The following RGS22 variants were observed in gnomAD, a reference collection of about 807,000 sequenced individuals.
RGS22 encodes regulator of G-protein signaling 22.
Under a neutral mutation model 172.9 loss-of-function variants are expected in RGS22, and 148 were observed. The observed-to-expected ratio is 0.86, with a 90% CI of 0.75 to 0.98. The LOEUF (loss-of-function observed/expected upper bound fraction) is 0.98. RGS22 is among the 50% of genes least tolerant of loss of function. The pLI, the probability that RGS22 is intolerant of heterozygous loss-of-function variation, is 0.00. For missense variants in RGS22, 1,347 were observed against 1,440.8 expected (o/e 0.93, Z 1.05); for synonymous variants, 458 against 480.2 (o/e 0.95, Z 0.60).
chr8:99,987,740 A>G (rs564847907), intron 20 of RGS22, 121 bp from the exon 21 acceptor site: 1 of 567,512 alleles, frequency 1.8e-6, no homozygotes, highest in African/African-American at 1.9e-5. Context: ...ATTTCACAAC[A>G]TTTTCACCTA....
In RGS22 at chr8:99,996,493, T is replaced by C. The variant is rs775907147; in HGVS notation, c.2987A>G (p.Gln996Arg). The part of the protein sequence containing the change: ...MKDIAEELLL[Q>R]KAEKKIGVWK... ...GACCCCGATTTTCTTTTCAGCCTTCTGTAGTAAGAGCTCTTCTGCTATGTC... is the reference window on the plus strand; with the variant it reads ...GACCCCGATTTTCTTTTCAGCCTTCCGTAGTAAGAGCTCTTCTGCTATGTC... The change falls in exon 20 of 28, where the codon CAG (glutamine) becomes CGG (arginine). Residue 996 changes from glutamine (Q) to arginine (R), a missense_variant. Gln to Arg is a conservative substitution (Grantham distance 43). Coordinates refer to ENST00000360863, the MANE Select transcript of RGS22 (RefSeq NM_015668.5). 2 of 1,613,632 alleles carry C rather than the reference T, an allele frequency of 1.2e-6. No homozygotes were observed. The highest frequency in any genetic ancestry group is 2.2e-5 in the East Asian group (1 of 44,834).
At chr8:100,096,782 T>C (rs1027157080) in intron 2 of RGS22, among the ~76,000 whole-genome samples, 10 of 151,268 alleles carry the variant, frequency 6.6e-5, no homozygotes, top group Non-Finnish European at 1.2e-4. Context: ...GTGCTGGGAT[T>C]ACAAGCATGA....
At position 100,064,019 on chromosome 8, in the gene RGS22, A is replaced by T; in HGVS notation, c.749T>A (p.Val250Asp). The part of the protein sequence containing the change: ...VSENFIFDDG[V>D]HPRTKKDPSK... ...TGGGTCCTTTTTTGTCCTAGGGTGA[A>T]CTCCATCATCAAAGATAAAATTCTC... The change falls in exon 8 of 28, where the codon GTT (valine) becomes GAT (aspartate). Residue 250 changes from valine (V) to aspartate (D), a missense_variant. Transcript: ENST00000360863. 6.6e-7 allele frequency: 1 copy of T among 1,515,052 alleles called. No homozygotes were observed. The highest frequency in any genetic ancestry group is 8.8e-7 in the Non-Finnish European group (1 of 1,136,320). The allele number at this position is 1,515,052 out of a possible 1,614,324, so 93.9% of individuals were successfully genotyped here.
chr8:100,088,135 T>C (rs369886254), intron 3 of RGS22, among the ~76,000 whole-genome samples: 53 of 152,146 alleles, frequency 3.5e-4, no homozygotes, highest in African/African-American at 1.1e-3. Flanking sequence ...ATCTAGCATA[T>C]AACTCCTTCA....
intron 6 of RGS22, among the ~76,000 whole-genome samples, chr8:100,068,132 T>C (rs895319298): frequency 6.6e-5 from 10 of 152,298 alleles, no homozygotes; most frequent in Admixed American, 2.0e-4. Context: ...TTCATGCCTA[T>C]AATCCTAGCA....
At chr8:100,039,145 G>T (rs149875048) in intron 13 of RGS22, 113 bp from the exon 14 acceptor site, 77 of 480,634 alleles carry the variant, frequency 1.6e-4, no homozygotes, top group Admixed American at 2.7e-4. Flanking sequence ...CATAAATCAG[G>T]TTCAATTTAA....
chr8:99,978,174 T>G (rs1294715111), intron 22 of RGS22, 99 bp from the exon 23 acceptor site: 5 of 638,278 alleles, frequency 7.8e-6, no homozygotes, highest in Non-Finnish European at 4.9e-6. Flanking sequence ...CTTTAATATA[T>G]ACCATGTTTG....
At chr8:100,016,211 C>T (rs948398572) in intron 14 of RGS22, among the ~76,000 whole-genome samples, 3 of 152,130 alleles carry the variant, frequency 2.0e-5, no homozygotes, top group Non-Finnish European at 4.4e-5. Flanking sequence ...TAGCTATACT[C>T]GAATGCCAAC....
At chr8:100,001,052 T>C (rs1390014418) in intron 18 of RGS22, among the ~76,000 whole-genome samples, 1 of 151,508 alleles carries the variant, frequency 6.6e-6, no homozygotes, top group Non-Finnish European at 1.5e-5. Flanking sequence ...TGATAAACTA[T>C]ACATTACATC....
chr8:100,052,147 TAA>T (rs1491299581), intron 10 of RGS22, among the ~76,000 whole-genome samples: 2 of 22,318 alleles, frequency 9.0e-5, no homozygotes, highest in Non-Finnish European at 1.4e-4. Context: ...AAACATATAT[TAA>T]TATATATATA....
At position 100,063,780 on chromosome 8, in the gene RGS22, G is replaced by C; in HGVS notation, c.988C>G (p.Gln330Glu). 6.2e-7 allele frequency: 1 copy of C among 1,614,016 alleles called. No homozygotes were observed. The highest frequency in any genetic ancestry group is 8.5e-7 in the Non-Finnish European group (1 of 1,179,994). Residue 330 changes from glutamine (Q) to glutamate (E), a missense_variant, in exon 8 of 28, where the codon CAA (glutamine) becomes GAA (glutamate). Transcript: ENST00000360863. ...IYFILRGAIQ[Q>E]IVGKPVGETP... ...TCTCCAACTGGCTTTCCAACAATTTGCTGAATTGCTCCTCTCAAAATAAAG... is the reference window on the plus strand; with the variant it reads ...TCTCCAACTGGCTTTCCAACAATTTCCTGAATTGCTCCTCTCAAAATAAAG...
intron 14 of RGS22, among the ~76,000 whole-genome samples, chr8:100,011,017 G>C (rs903541367): frequency 6.6e-6 from 1 of 151,700 alleles, no homozygotes; most frequent in Non-Finnish European, 1.5e-5. Flanking sequence ...GAGGAGGGTT[G>C]ATGAAAGACG....
chr8:99,971,750 T>G (rs1811379344), intron 23 of RGS22, among the ~76,000 whole-genome samples: 1 of 152,158 alleles, frequency 6.6e-6, no homozygotes, highest in African/African-American at 2.4e-5. Flanking sequence ...TGGAAAAACA[T>G]TCCATGCTCA....
intron 14 of RGS22, among the ~76,000 whole-genome samples, chr8:100,036,828 G>A (rs1819531572): frequency 6.6e-6 from 1 of 151,970 alleles, no homozygotes; most frequent in Non-Finnish European, 1.5e-5. Flanking sequence ...TGAACTCCTG[G>A]GCTCAAGCAA....
intron 16 of RGS22, among the ~76,000 whole-genome samples, chr8:100,004,416 T>C (rs1169956097): frequency 1.3e-5 from 2 of 151,932 alleles, no homozygotes; most frequent in African/African-American, 4.8e-5. Flanking sequence ...TCTTTTGTAA[T>C]AAGAAAATAA....
intron 3 of RGS22, among the ~76,000 whole-genome samples, chr8:100,083,325 C>T (rs907911053): frequency 1.6e-4 from 24 of 152,284 alleles, no homozygotes; most frequent in African/African-American, 5.8e-4. Context: ...CTGTCCCCGT[C>T]ACATGCAGAG....
At position 100,062,647 on chromosome 8, in the gene RGS22, A is replaced by C. The variant is rs767338868; in HGVS notation, c.1458T>G (p.Asn486Lys). The C allele has an allele frequency of 3.7e-6, 6 of 1,606,834 alleles. No homozygotes were observed. In the Admixed American group the frequency reaches 1.0e-4, roughly 27 times the overall value. The change falls in exon 9 of 28, where the codon AAT becomes AAG. Residue 486 changes from asparagine (N) to lysine (K), a missense_variant. Transcript: ENST00000360863. Reference protein sequence around the residue: ...KFKLLDGSQWNEEHLRNIQSE... With the variant: ...KFKLLDGSQWKEEHLRNIQSE... ...ACTGAATATTTCTTAAATGCTCTTC[A>C]TTCCACTGTGATCCATCTAACAGTT...
intron 23 of RGS22, among the ~76,000 whole-genome samples, chr8:99,967,648 C>T (rs1390469016): frequency 3.9e-5 from 6 of 152,180 alleles, no homozygotes; most frequent in African/African-American, 1.4e-4. Flanking sequence ...CACTGCAGTG[C>T]AGCAAAGCAG....
At chr8:100,001,038 A>G (rs1227735441) in intron 18 of RGS22, among the ~76,000 whole-genome samples, 1 of 151,790 alleles carries the variant, frequency 6.6e-6, no homozygotes, top group East Asian at 1.9e-4. Flanking sequence ...CAAACAAAAA[A>G]AAATGATAAA....
Sources: allele counts gnomAD v4.1 joint callset (sites outside exome capture counted in the v4.1 genomes callset), GRCh38; gene constraint gnomAD v4.1.1; transcripts MANE v1.5; gene names NCBI Gene and HGNC (gene_info 2026-07-23, HGNC 2026-07-21).